Variants in PTGFR observed in about 807,000 individuals in gnomAD.
PTGFR encodes the protein prostaglandin F receptor, also known as prostaglandin F2-alpha receptor.
PTGFR carries 15 observed loss-of-function variants against 26.2 expected under a neutral mutation model. That is an observed-to-expected ratio of 0.57 (90% confidence interval 0.38 to 0.88). PTGFR has a LOEUF of 0.88. Among genes scored for constraint, PTGFR ranks in the 40% least tolerant of loss-of-function variants. PTGFR has a pLI of 0.00. For synonymous variants in PTGFR, 165 were observed against 151.1 expected, an observed-to-expected ratio of 1.09 and a Z score of -0.68; for missense variants, 369 against 427.2, an observed-to-expected ratio of 0.86 and a Z score of 1.20.
chr1:78,522,834 T>A (rs1049294766), intron 2 of PTGFR, among the ~76,000 whole-genome samples: 1 of 152,090 alleles, frequency 6.6e-6, no homozygotes, highest in Non-Finnish European at 1.5e-5. Flanking sequence ...CTGTTTGGCT[T>A]TACTCAGGAT....
intron 2 of PTGFR, among the ~76,000 whole-genome samples, chr1:78,528,294 C>CAAAAAAAAA (rs35137595): frequency 1.5e-4 from 3 of 20,116 alleles, no homozygotes; most frequent in Non-Finnish European, 2.1e-4. Flanking sequence ...AGAAAGTTAG[C>CAAAAAAAAA]AAAAAAAAAA....
intron 2 of PTGFR, among the ~76,000 whole-genome samples, chr1:78,507,040 A>T (rs980590632): frequency 2.0e-5 from 3 of 152,192 alleles, no homozygotes; most frequent in African/African-American, 4.8e-5. Context: ...GGTTACATGG[A>T]ATCTACCCTA....
chr1:78,509,550 A>T (rs1335738916), intron 2 of PTGFR, among the ~76,000 whole-genome samples: 1 of 152,170 alleles, frequency 6.6e-6, no homozygotes, highest in Non-Finnish European at 1.5e-5. Context: ...TATCTCTCTC[A>T]TTATGCTTGT....
At chr1:78,505,660 C>T (rs538220808) in intron 2 of PTGFR, among the ~76,000 whole-genome samples, 3 of 151,860 alleles carry the variant, frequency 2.0e-5, no homozygotes, top group South Asian at 4.2e-4. Context: ...TTTTTTTATC[C>T]CCAAAAGAAA....
At chr1:78,501,629 A>G (rs1649708463) in intron 2 of PTGFR, among the ~76,000 whole-genome samples, 1 of 152,114 alleles carries the variant, frequency 6.6e-6, no homozygotes, top group Non-Finnish European at 1.5e-5. Context: ...CCGTGGTGTG[A>G]TGGTGAAGGA....
At chr1:78,496,209 G>T (rs1202940656) in intron 2 of PTGFR, among the ~76,000 whole-genome samples, 1 of 152,080 alleles carries the variant, frequency 6.6e-6, no homozygotes, top group Non-Finnish European at 1.5e-5. Flanking sequence ...AAAAATACAG[G>T]CTTAAGAATC....
intron 2 of PTGFR, among the ~76,000 whole-genome samples, chr1:78,506,431 A>C (rs1158725859): frequency 6.6e-6 from 1 of 152,014 alleles, no homozygotes; most frequent in Non-Finnish European, 1.5e-5. Context: ...TAATATTAGA[A>C]TTATTCCAGT....
rs139692596 is a variant in PTGFR, at chr1:78,536,730, A to C, written c.*43A>C. ...TCTGTGTGGGGCTAGAACAAAATTA[A>C]GACATGTTTGGCAATATTTCAGTTA... On this transcript the variant is annotated 3_prime_UTR_variant, in exon 3 of 3. Coordinates refer to ENST00000370757, the MANE Select transcript of PTGFR (RefSeq NM_000959.4). 666 of 1,556,392 alleles carry C rather than the reference A, an allele frequency of 4.3e-4. 3 individuals are homozygous for C. Among genetic ancestry groups the C allele is most frequent in the Admixed American group, 5.7e-4 (29 of 51,026 alleles).
chr1:78,509,094 A>G (rs1649893067), intron 2 of PTGFR, among the ~76,000 whole-genome samples: 1 of 152,144 alleles, frequency 6.6e-6, no homozygotes, highest in African/African-American at 2.4e-5. Flanking sequence ...TTCTGACATT[A>G]AAAAAATTTT....
Position 78,540,649 on chromosome 1 carries a change from C to T in PTGFR, c.*3962C>T, listed in dbSNP as rs1650774252. On this transcript the variant is annotated 3_prime_UTR_variant, in exon 3 of 3. Coordinates refer to ENST00000370757, the MANE Select transcript of PTGFR (RefSeq NM_000959.4). Reference sequence around the variant, plus strand: ...TTCTGTATAATACCAAGCATTGTTGCAGTATTGTCTGAAATGGTTGCTTTT... The same window carrying T: ...TTCTGTATAATACCAAGCATTGTTGTAGTATTGTCTGAAATGGTTGCTTTT... 6.6e-6 allele frequency among the ~76,000 whole-genome samples: 1 copy of T among 152,066 alleles called. No individual in the cohort carries two copies. The highest frequency in any genetic ancestry group is 1.5e-5 in the Non-Finnish European group (1 of 68,006).
At chr1:78,513,993 A>T (rs1355054122) in intron 2 of PTGFR, among the ~76,000 whole-genome samples, 1 of 152,164 alleles carries the variant, frequency 6.6e-6, no homozygotes, top group African/African-American at 2.4e-5. Context: ...ATTTTAGAGG[A>T]TGTAAGGGGA....
In PTGFR at chr1:78,493,080, A is replaced by G. The variant is rs1326642587; in HGVS notation, c.337A>G (p.Ile113Val). Residue 113 changes from isoleucine (I) to valine (V), a missense_variant, in exon 2 of 3, where the codon ATC (isoleucine) becomes GTC (valine). By Grantham distance (29) the Ile-to-Val change is conservative. Transcript: ENST00000370757. ...AAATGTCCTTTGCAGTATTTTTGGT[A>G]TCTGCATGGTGTTTTCTGGTCTGTG... is the stretch of plus-strand genomic sequence containing the variant. ...QSNVLCSIFG[I>V]CMVFSGLCPL... is the part of the protein sequence containing the mutation. 2 of 1,614,118 alleles carry G rather than the reference A, an allele frequency of 1.2e-6. No homozygotes were observed. Among genetic ancestry groups the G allele is most frequent in the African/African-American group, 2.7e-5 (2 of 74,940 alleles).
At chr1:78,517,828 C>T (rs2100380467) in intron 2 of PTGFR, among the ~76,000 whole-genome samples, 1 of 152,076 alleles carries the variant, frequency 6.6e-6, no homozygotes, top group South Asian at 2.1e-4. Context: ...ATTTTGGGTG[C>T]TTTGTAGAGA....
rs1650696191 is a variant in PTGFR at position 78,537,845 on chromosome 1, A to G, written c.*1158A>G. On this transcript the variant is annotated 3_prime_UTR_variant, in exon 3 of 3. Transcript: ENST00000370757. The stretch of plus-strand genomic sequence containing the variant: ...ATCAAGAGATAATAATCTCTCCCCA[A>G]ATTTTCCAATAATAATTGAGACTTT... 1.3e-5 allele frequency: 2 copies of G among 152,112 alleles called. No individual in the cohort carries two copies. Among genetic ancestry groups the G allele is most frequent in the Non-Finnish European group, 2.9e-5 (2 of 67,994 alleles). The allele number at this position is 152,112 out of a possible 1,614,324, so 9.4% of individuals were successfully genotyped here. A position where few individuals can be genotyped will look rare whatever the true frequency, so the allele number is the denominator to read the frequency against.
At chr1:78,526,015 C>T (rs920199484) in intron 2 of PTGFR, among the ~76,000 whole-genome samples, 9 of 151,992 alleles carry the variant, frequency 5.9e-5, no homozygotes, top group East Asian at 5.8e-4. Flanking sequence ...ACATAATGAT[C>T]GTACCAAGGA....
chr1:78,493,684 A>G lies in PTGFR; in HGVS notation c.798+143A>G, dbSNP rs1007436273. ...GCACTCAGCTCTGGCTTAGAATTACATGACATATGACACATATGGTTACTT... is the reference window on the plus strand; with the variant it reads ...GCACTCAGCTCTGGCTTAGAATTACGTGACATATGACACATATGGTTACTT... On this transcript the variant is annotated intron_variant, in intron 2 of 2. Transcript: ENST00000370757. The G allele has an allele frequency of 2.3e-5, 17 of 748,766 alleles. No homozygotes were observed. The African/African-American group carries it at 2.5e-4, about 11-fold the overall frequency. The allele number at this position is 748,766 out of a possible 1,614,324, so 46.4% of individuals were successfully genotyped here.
chr1:78,518,662 C>A (rs1029541314), intron 2 of PTGFR, among the ~76,000 whole-genome samples: 12 of 150,434 alleles, frequency 8.0e-5, no homozygotes, highest in Non-Finnish European at 1.3e-4. Context: ...TTAGATAGAC[C>A]ATGATCTAGG....
intron 2 of PTGFR, among the ~76,000 whole-genome samples, chr1:78,517,334 G>C (rs756171138): frequency 6.6e-6 from 1 of 152,098 alleles, no homozygotes; most frequent in African/African-American, 2.4e-5. Context: ...TATGGGTTAC[G>C]GTCTTCTGAA....
chr1:78,533,214 C>T lies in PTGFR; in HGVS notation c.799-3192C>T, dbSNP rs1051176727. 1.9e-4 allele frequency among the ~76,000 whole-genome samples: 29 copies of T among 152,124 alleles called. 1 individual carries two copies. The highest frequency in any genetic ancestry group is 1.9e-4 in the Non-Finnish European group (13 of 68,036). Reference sequence around the variant, plus strand: ...GACATTTAGTAAATGGATTGATTATCCCATGATGCTCTAGAAAACTAAATT... The same window carrying T: ...GACATTTAGTAAATGGATTGATTATTCCATGATGCTCTAGAAAACTAAATT... On this transcript the variant is annotated intron_variant, in intron 2 of 2. Transcript: ENST00000370757.
Sources: allele counts gnomAD v4.1 joint callset (sites outside exome capture counted in the v4.1 genomes callset), GRCh38; gene constraint gnomAD v4.1.1; transcripts MANE v1.5; gene names NCBI Gene and HGNC (gene_info 2026-07-23, HGNC 2026-07-21).